NFIC: variants seen among roughly 807,000 people sequenced by gnomAD.
The protein encoded by NFIC is nuclear factor I C.
NFIC carries 12 observed loss-of-function variants against 54.4 expected under a neutral mutation model. The observed-to-expected ratio is 0.22, with a 90% CI of 0.14 to 0.36. The LOEUF (loss-of-function observed/expected upper bound fraction) is 0.36, where lower values mean the gene tolerates loss of function less well. NFIC is among the 10% of genes least tolerant of loss of function. NFIC has a pLI of 1.00. For synonymous variants in NFIC, 322 were observed against 319.2 expected (o/e 1.01, Z -0.09); for missense variants, 575 against 718.2 (o/e 0.80, Z 2.28).
intron 6 of NFIC, among the ~76,000 whole-genome samples, chr19:3,448,003 C>A (rs976169973): frequency 5.9e-5 from 9 of 152,246 alleles, no homozygotes; most frequent in Non-Finnish European, 2.9e-5. Flanking sequence ...CGCCTGGGTT[C>A]AAGCGATTCT....
intron 2 of NFIC, among the ~76,000 whole-genome samples, chr19:3,390,874 G>C (rs73522134): frequency 6.6e-6 from 1 of 151,314 alleles, no homozygotes; most frequent in Non-Finnish European, 1.5e-5. Context: ...GGAGGGGGCT[G>C]GGGAGAGAAT....
At chr19:3,410,460 G>C (rs981285133) in intron 2 of NFIC, 3 of 152,416 alleles carry the variant, frequency 2.0e-5, no homozygotes, top group African/African-American at 7.2e-5. Context: ...CAAAGGCCCT[G>C]AGGCAGGACC....
intron 2 of NFIC, chr19:3,411,023 T>G (rs55805295): frequency 0.41 from 61,785 of 151,994 alleles, 15,455 homozygotes; most frequent in Non-Finnish European, 0.55. Context: ...TTTTTGTTGT[T>G]TTTTTTGAGA....
At chr19:3,440,982 T>C (rs2082285317) in intron 6 of NFIC, among the ~76,000 whole-genome samples, 1 of 152,042 alleles carries the variant, frequency 6.6e-6, no homozygotes, top group South Asian at 2.1e-4. Context: ...CACCTGGCTA[T>C]TTTTTGTACT....
At chr19:3,417,337 C>G (rs1376963470) in intron 2 of NFIC, among the ~76,000 whole-genome samples, 2 of 152,080 alleles carry the variant, frequency 1.3e-5, no homozygotes, top group Non-Finnish European at 2.9e-5. Context: ...AATCTGACAC[C>G]AGCTTTGGGA....
intron 6 of NFIC, among the ~76,000 whole-genome samples, chr19:3,447,298 CAAAAAA>C (rs1178839836): frequency 1.3e-5 from 1 of 78,058 alleles, no homozygotes; most frequent in African/African-American, 4.6e-5. Flanking sequence ...GACTCTATCT[CAAAAAA>C]AAAAAAAAAA....
intron 2 of NFIC, among the ~76,000 whole-genome samples, chr19:3,408,914 T>G (rs1251691317): frequency 2.0e-5 from 3 of 152,142 alleles, no homozygotes; most frequent in Non-Finnish European, 4.4e-5. Context: ...AAATATTTTG[T>G]AGAGATGGGG....
In NFIC at chr19:3,371,998, C is replaced by CCTCTCTCTCT. The variant is rs56852086; in HGVS notation, c.30+5368_30+5377dup. Among the ~76,000 whole-genome samples, 200 of 35,408 alleles carry CCTCTCTCTCT rather than the reference C, an allele frequency of 5.6e-3. 32 individuals are homozygous for CCTCTCTCTCT. Among genetic ancestry groups the CCTCTCTCTCT allele is most frequent in the Middle Eastern group, 0.042 (1 of 24 alleles). The allele number at this position is 35,408 out of a possible 152,430, so 23.2% of individuals were successfully genotyped here. A position where few individuals can be genotyped will look rare whatever the true frequency, so the allele number is the denominator to read the frequency against. On this transcript the variant is annotated intron_variant, in intron 1 of 10. Transcript: ENST00000443272. ...CTTTCTCTCTCTCTCCCTCTCTCTC[C>CCTCTCTCTCT]CTCTCTCTCTCTCTCTCTCTCTCTC...
Position 3,382,062 on chromosome 19 carries a change from G to T in NFIC, c.381G>T (p.Val127=). 6.2e-7 allele frequency: 1 copy of T among 1,613,248 alleles called. No individual in the cohort carries two copies. The highest frequency in any genetic ancestry group is 8.5e-7 in the Non-Finnish European group (1 of 1,179,940). Residue 127 remains valine, a synonymous_variant, in exon 2 of 11, where the codon GTG becomes GTT. Coordinates refer to ENST00000443272, the MANE Select transcript of NFIC (RefSeq NM_001245002.2). ...ACTGTCTCCGGCAGGCGGACAAGGTGTGGCGGCTGGACCTGGTCATGGTCA... is the reference window on the plus strand; with the variant it reads ...ACTGTCTCCGGCAGGCGGACAAGGTTTGGCGGCTGGACCTGGTCATGGTCA... ...RIDCLRQADK[V]WRLDLVMVIL...
chr19:3,373,318 A>G (rs2145444562), intron 1 of NFIC, among the ~76,000 whole-genome samples: 1 of 152,194 alleles, frequency 6.6e-6, no homozygotes, highest in South Asian at 2.1e-4. Context: ...TTGCTGACTC[A>G]CTGCCTTGGC....
At chr19:3,364,159 G>GA (rs5826816), upstream of NFIC, among the ~76,000 whole-genome samples, 20,685 of 141,890 alleles carry the variant, frequency 0.15, 1,806 homozygotes, top group Non-Finnish European at 0.21. Flanking sequence ...AGAGTGCTTT[G>GA]AAAAAAAAAA....
chr19:3,387,566 A>T (rs866797302), intron 2 of NFIC, among the ~76,000 whole-genome samples: 1 of 151,480 alleles, frequency 6.6e-6, no homozygotes, highest in African/African-American at 2.4e-5. Context: ...AGGGAGGGAC[A>T]TGGAGGGGGG....
chr19:3,424,985 C>A, intron 2 of NFIC, 121 bp from the exon 3 acceptor site: 2 of 989,040 alleles, frequency 2.0e-6, no homozygotes, highest in Non-Finnish European at 3.0e-6. Flanking sequence ...TGTTTTGGGG[C>A]CACTGTTTGT....
chr19:3,431,986 A>C (rs1049933320), intron 3 of NFIC, among the ~76,000 whole-genome samples: 3 of 152,020 alleles, frequency 2.0e-5, no homozygotes, highest in Non-Finnish European at 4.4e-5. Flanking sequence ...CTCACACTGG[A>C]CTTTGAGTCT....
chr19:3,421,459 C>G (rs2081952332), intron 2 of NFIC, among the ~76,000 whole-genome samples: 1 of 152,256 alleles, frequency 6.6e-6, no homozygotes, highest in Admixed American at 6.5e-5. Context: ...GCTGGCAGCC[C>G]CAGCCTGGGA....
At chr19:3,395,686 T>C (rs2081450917) in intron 2 of NFIC, among the ~76,000 whole-genome samples, 1 of 151,668 alleles carries the variant, frequency 6.6e-6, no homozygotes, top group Admixed American at 6.6e-5. Flanking sequence ...ATTTATTTAT[T>C]TATTTACTTT....
intron 6 of NFIC, among the ~76,000 whole-genome samples, chr19:3,444,809 ACACACACGCTTG>A (rs560762741): frequency 8.2e-4 from 125 of 152,300 alleles, no homozygotes; most frequent in Non-Finnish European, 1.3e-3. Context: ...CTGCACACAC[ACACACACGCTTG>A]CACACACGCA....
At chr19:3,372,388 G>A (rs994955854) in intron 1 of NFIC, among the ~76,000 whole-genome samples, 3 of 152,204 alleles carry the variant, frequency 2.0e-5, no homozygotes, top group Non-Finnish European at 2.9e-5. Flanking sequence ...CCCTGTGTGG[G>A]TACCAGCCTT....
At position 3,453,102 on chromosome 19, in the gene NFIC, G is replaced by T. The variant is rs2082493718; in HGVS notation, c.1269+436G>T. ...AAATACTTAAAAATGAGCCACGCATGGTGGCGGGCGCCTGTAGTCCCAGCT... is the reference window on the plus strand; with the variant it reads ...AAATACTTAAAAATGAGCCACGCATTGTGGCGGGCGCCTGTAGTCCCAGCT... On this transcript the variant is annotated intron_variant, in intron 8 of 10. Transcript: ENST00000443272. This position sits in a 1 kb window ranked among gnomAD's most constrained non-coding sequence, Gnocchi z 6.7. Among the ~76,000 whole-genome samples, 1 of 152,210 alleles carries T rather than the reference G, an allele frequency of 6.6e-6. No homozygotes were observed. Among genetic ancestry groups the T allele is most frequent in the African/African-American group, 2.4e-5 (1 of 41,436 alleles).
Sources: allele counts gnomAD v4.1 joint callset (sites outside exome capture counted in the v4.1 genomes callset), GRCh38; gene constraint gnomAD v4.1.1; non-coding constraint Gnocchi (gnomAD v3.1); transcripts MANE v1.5; gene names NCBI Gene and HGNC (gene_info 2026-07-23, HGNC 2026-07-21).